The following PLCB1 variants were observed in gnomAD, a reference collection of about 807,000 sequenced individuals.
PLCB1 encodes the protein phospholipase C beta 1, also known as 1-phosphatidylinositol 4,5-bisphosphate phosphodiesterase beta-1.
PLCB1 carries 46 observed loss-of-function variants against 161.8 expected under a neutral mutation model. The observed-to-expected ratio is 0.28, with a 90% CI of 0.22 to 0.36. The LOEUF is 0.36. PLCB1 is among the 10% of genes least tolerant of loss of function. The probability of loss-of-function intolerance (pLI) is 1.00; values close to 1 mark genes in which losing one functional copy is unlikely to be tolerated. For missense variants in PLCB1, 1,016 were observed against 1,472.5 expected (o/e 0.69, Z 5.07); for synonymous variants, 517 against 503.7 (o/e 1.03, Z -0.35).
At chr20:8,183,906 T>C (rs6055610) in intron 2 of PLCB1, among the ~76,000 whole-genome samples, 58,044 of 151,952 alleles carry the variant, frequency 0.38, 12,676 homozygotes, top group African/African-American at 0.61. Flanking sequence ...ACCACAAATA[T>C]TGGTTAAAAA....
intron 3 of PLCB1, among the ~76,000 whole-genome samples, chr20:8,604,631 T>C (rs1987703519): frequency 6.6e-6 from 1 of 152,186 alleles, no homozygotes; most frequent in Non-Finnish European, 1.5e-5. Context: ...TATTTGGTTG[T>C]CTGTCATTGC....
At chr20:8,659,317 C>T (rs575239132) in intron 9 of PLCB1, among the ~76,000 whole-genome samples, 2 of 152,018 alleles carry the variant, frequency 1.3e-5, no homozygotes, top group Non-Finnish European at 1.5e-5. Context: ...AAATGAATTG[C>T]CAAAATAAGA....
chr20:8,570,738 T>C (rs1986481128), intron 3 of PLCB1, among the ~76,000 whole-genome samples: 1 of 152,084 alleles, frequency 6.6e-6, no homozygotes, highest in Non-Finnish European at 1.5e-5. Context: ...AATAAGCAAA[T>C]GAGTTCATGA....
intron 3 of PLCB1, among the ~76,000 whole-genome samples, chr20:8,533,788 C>A (rs1388034721): frequency 6.6e-6 from 1 of 151,866 alleles, no homozygotes; most frequent in East Asian, 1.9e-4. Flanking sequence ...GAGTAGGTTG[C>A]GGAAATTTTC....
At chr20:8,510,966 A>G (rs1378950587) in intron 3 of PLCB1, among the ~76,000 whole-genome samples, 3 of 152,144 alleles carry the variant, frequency 2.0e-5, no homozygotes, top group African/African-American at 7.2e-5. Context: ...CATATCCATC[A>G]CCTCACACAC....
rs75722664 is a variant in PLCB1 at position 8,501,004 on chromosome 20, G to A, written c.247-127290G>A. Among the ~76,000 whole-genome samples, 536 of 152,160 alleles carry A rather than the reference G, an allele frequency of 3.5e-3. 3 individuals are homozygous for A. Among genetic ancestry groups the A allele is most frequent in the African/African-American group, 0.012 (512 of 41,486 alleles). ...GTATTCATACTTGCATTTATAATAC[G>A]CATTTCTCAGATACCCCAACAGTTC... is the stretch of plus-strand genomic sequence containing the variant. On this transcript the variant is annotated intron_variant, in intron 3 of 31. Transcript: ENST00000338037.
At chr20:8,399,219 AT>A (rs1291474119) in intron 3 of PLCB1, among the ~76,000 whole-genome samples, 1 of 147,504 alleles carries the variant, frequency 6.8e-6, no homozygotes, top group Non-Finnish European at 1.5e-5. Context: ...TCCCAACACT[AT>A]TTTTTTCAGA....
chr20:8,591,829 C>T (rs73595551), intron 3 of PLCB1, among the ~76,000 whole-genome samples: 6,073 of 152,248 alleles, frequency 0.04, 217 homozygotes, highest in African/African-American at 0.099. Context: ...TATTTCATTA[C>T]ATGTAACTTG....
intron 2 of PLCB1, among the ~76,000 whole-genome samples, chr20:8,348,495 G>A (rs1986069234): frequency 6.6e-6 from 1 of 152,156 alleles, no homozygotes; most frequent in Non-Finnish European, 1.5e-5. Context: ...CTTTGCTGCA[G>A]GCTGAAATGT....
chr20:8,413,435 A>C (rs1979129642), intron 3 of PLCB1, among the ~76,000 whole-genome samples: 1 of 152,296 alleles, frequency 6.6e-6, no homozygotes, highest in East Asian at 1.9e-4. Context: ...TTCTTTTTCA[A>C]GTTGTCAGTG....
At position 8,506,593 on chromosome 20, in the gene PLCB1, G is replaced by A. The variant is rs1459149704; in HGVS notation, c.247-121701G>A. Among the ~76,000 whole-genome samples the A allele has an allele frequency of 5.3e-5, 8 of 152,174 alleles. No homozygotes were observed. In the East Asian group the frequency reaches 1.2e-3, roughly 22 times the overall value. ...TGTTAAAAAAGACACCAAGTTCATT[G>A]TAAATGAATTTCCATTTGTTGGTTG... On this transcript the variant is annotated intron_variant, in intron 3 of 31. Transcript: ENST00000338037.
intron 31 of PLCB1, chr20:8,831,487 A>G (rs1035946008): frequency 3.3e-5 from 5 of 152,224 alleles, no homozygotes; most frequent in Admixed American, 1.3e-4. Context: ...TTAATTTTTA[A>G]AGAAATAGTG....
At chr20:8,856,146 T>TG (rs11483195) in intron 31 of PLCB1, among the ~76,000 whole-genome samples, 1 of 151,858 alleles carries the variant, frequency 6.6e-6, no homozygotes, top group African/African-American at 2.4e-5. Flanking sequence ...ATATTCCTGT[T>TG]TTTTATATTT....
At chr20:8,572,829 A>C (rs1030551211) in intron 3 of PLCB1, among the ~76,000 whole-genome samples, 2 of 152,202 alleles carry the variant, frequency 1.3e-5, no homozygotes, top group Non-Finnish European at 2.9e-5. Context: ...CACACTCATG[A>C]AGCTGGCCCT....
intron 9 of PLCB1, among the ~76,000 whole-genome samples, chr20:8,662,302 T>G (rs1368481079): frequency 8.4e-6 from 1 of 118,786 alleles, no homozygotes; most frequent in Non-Finnish European, 1.6e-5. Flanking sequence ...AATTATTTAT[T>G]ATATAATTAT....
chr20:8,515,543 C>T (rs1447676885), intron 3 of PLCB1, among the ~76,000 whole-genome samples: 2 of 152,142 alleles, frequency 1.3e-5, no homozygotes, highest in African/African-American at 4.8e-5. Flanking sequence ...AATTTGTATT[C>T]CTAGCTCAGA....
chr20:8,600,667 G>C (rs1397830195), intron 3 of PLCB1: 1 of 151,854 alleles, frequency 6.6e-6, no homozygotes, highest in African/African-American at 2.4e-5. Flanking sequence ...ACCTAAGCAA[G>C]CCTGGGCAAT....
chr20:8,694,667 A>G (rs989420335), intron 10 of PLCB1, among the ~76,000 whole-genome samples: 3 of 152,212 alleles, frequency 2.0e-5, no homozygotes, highest in Non-Finnish European at 4.4e-5. Flanking sequence ...GTTAAATCTG[A>G]TTAAATTCTT....
intron 26 of PLCB1, among the ~76,000 whole-genome samples, chr20:8,772,393 GC>G: frequency 6.6e-6 from 1 of 152,278 alleles, no homozygotes; most frequent in Middle Eastern, 3.4e-3. Context: ...TTGCCCTTCT[GC>G]CCCTGTAATT....
Sources: allele counts gnomAD v4.1 joint callset (sites outside exome capture counted in the v4.1 genomes callset), GRCh38; gene constraint gnomAD v4.1.1; transcripts MANE v1.5; gene names NCBI Gene and HGNC (gene_info 2026-07-23, HGNC 2026-07-21).